CSMD3: variants seen among roughly 807,000 people sequenced by gnomAD.
CSMD3 encodes the protein CUB and Sushi multiple domains 3, also known as CUB and sushi domain-containing protein 3.
Under a neutral mutation model 435.2 loss-of-function variants are expected in CSMD3, and 177 were observed. That is an observed-to-expected ratio of 0.41 (90% CI 0.36 to 0.46). CSMD3 has a LOEUF of 0.46. Among genes scored for constraint, CSMD3 ranks in the 20% least tolerant of loss-of-function variants. The pLI is 0.34. For missense variants in CSMD3, 4,265 were observed against 4,504.6 expected, an observed-to-expected ratio of 0.95 and a Z score of 1.52; for synonymous variants, 1,656 against 1,520.5, an observed-to-expected ratio of 1.09 and a Z score of -2.07.
intron 1 of CSMD3, among the ~76,000 whole-genome samples, chr8:113,335,881 A>T (rs971452911): frequency 6.6e-6 from 1 of 151,640 alleles, no homozygotes; most frequent in Admixed American, 6.6e-5. Context: ...TTAGTTTTCT[A>T]TTTAAGATGT....
intron 59 of CSMD3, among the ~76,000 whole-genome samples, chr8:112,277,413 A>G (rs969306334): frequency 6.6e-6 from 1 of 152,086 alleles, no homozygotes; most frequent in Non-Finnish European, 1.5e-5. Flanking sequence ...TCCATCTGAA[A>G]CTATCTCAGC....
chr8:112,682,308 T>C (rs764505871), intron 16 of CSMD3, 134 bp downstream of exon 16: 3 of 736,662 alleles, frequency 4.1e-6, no homozygotes, highest in Admixed American at 4.4e-5. Flanking sequence ...TAACAAGATA[T>C]GTTTAATATA....
intron 3 of CSMD3, among the ~76,000 whole-genome samples, chr8:113,232,681 T>C (rs1030478890): frequency 1.3e-5 from 2 of 151,804 alleles, no homozygotes; most frequent in Admixed American, 6.6e-5. Flanking sequence ...ATGTCCAGTA[T>C]GTTGTAGAAT....
intron 1 of CSMD3, among the ~76,000 whole-genome samples, chr8:113,410,406 T>C (rs2094552821): frequency 6.6e-6 from 1 of 152,142 alleles, no homozygotes; most frequent in African/African-American, 2.4e-5. Context: ...CAAAATCCAA[T>C]AATCTTTTCT....
intron 3 of CSMD3, 115 bp from the exon 4 acceptor site, chr8:113,174,031 T>A (rs2131893263): frequency 3.8e-6 from 3 of 790,226 alleles, no homozygotes; most frequent in South Asian, 1.5e-5. Context: ...TGGAGAAGAG[T>A]CACTGAAAGG....
chr8:113,023,501 A>G (rs2086761096), intron 5 of CSMD3, among the ~76,000 whole-genome samples: 1 of 152,070 alleles, frequency 6.6e-6, no homozygotes, highest in Non-Finnish European at 1.5e-5. Context: ...GATAAGATGT[A>G]TCCATCATGA....
intron 9 of CSMD3, among the ~76,000 whole-genome samples, chr8:112,930,507 C>T: frequency 6.6e-6 from 1 of 151,880 alleles, no homozygotes; most frequent in East Asian, 1.9e-4. Context: ...AGTAGGGAAA[C>T]ACTATAGAGG....
At chr8:112,955,184 A>T (rs1026078390) in intron 7 of CSMD3, among the ~76,000 whole-genome samples, 1 of 151,712 alleles carries the variant, frequency 6.6e-6, no homozygotes, top group African/African-American at 2.4e-5. Flanking sequence ...TTTCCTAAAA[A>T]TTTAGTCTAT....
intron 1 of CSMD3, among the ~76,000 whole-genome samples, chr8:113,436,283 C>A (rs527299225): frequency 1.3e-5 from 2 of 152,296 alleles, no homozygotes; most frequent in East Asian, 3.9e-4. Flanking sequence ...AGCATTTAGA[C>A]CAGCGTCTTT....
At chr8:113,306,177 C>T (rs925053968) in intron 2 of CSMD3, among the ~76,000 whole-genome samples, 2 of 152,002 alleles carry the variant, frequency 1.3e-5, no homozygotes, top group Admixed American at 6.6e-5. Flanking sequence ...TTGTTAATAT[C>T]ACATATGTCA....
At chr8:113,395,983 T>C (rs920446163) in intron 1 of CSMD3, among the ~76,000 whole-genome samples, 7 of 152,148 alleles carry the variant, frequency 4.6e-5, no homozygotes, top group Non-Finnish European at 7.3e-5. Flanking sequence ...ACAGTAACAA[T>C]TGATTTTCTT....
intron 5 of CSMD3, among the ~76,000 whole-genome samples, chr8:113,035,823 A>G (rs1414020490): frequency 2.6e-5 from 4 of 152,102 alleles, no homozygotes; most frequent in African/African-American, 9.6e-5. Context: ...CCCTATGGTT[A>G]GAGGAAATAA....
At chr8:112,545,846 TA>T (rs1827138881) in intron 27 of CSMD3, among the ~76,000 whole-genome samples, 1 of 152,086 alleles carries the variant, frequency 6.6e-6, no homozygotes, top group South Asian at 2.1e-4. Context: ...GATACTTTGT[TA>T]AAAAGGGAAA....
chr8:113,213,526 C>A (rs1044263825), intron 3 of CSMD3, among the ~76,000 whole-genome samples: 1 of 151,138 alleles, frequency 6.6e-6, no homozygotes, highest in African/African-American at 2.4e-5. Flanking sequence ...TTTTTTAGTC[C>A]AAATTGAAAT....
Position 112,935,903 on chromosome 8 carries a change from CTAAG to C in CSMD3, c.1508+11883_1508+11886del, listed in dbSNP as rs753282429. On this transcript the variant is annotated intron_variant, in intron 9 of 70. Coordinates refer to ENST00000297405, the MANE Select transcript of CSMD3 (RefSeq NM_198123.2). ...AGATGGTTTAGGATGTTTGAATGGTCTAAGTGAGAGATGATAGTGGCTTGCATTA... is the reference window on the plus strand; with the variant it reads ...AGATGGTTTAGGATGTTTGAATGGTCTGAGAGATGATAGTGGCTTGCATTA... Among the ~76,000 whole-genome samples the C allele has an allele frequency of 5.9e-5, 9 of 151,892 alleles. 1 individual carries two copies. The highest frequency in any genetic ancestry group is 1.3e-4 in the Admixed American group (2 of 15,240).
chr8:112,963,911 C>A (rs993023934), intron 7 of CSMD3, among the ~76,000 whole-genome samples: 2 of 151,840 alleles, frequency 1.3e-5, no homozygotes, highest in African/African-American at 2.4e-5. Context: ...CTACCTAAGA[C>A]ATTTAAAACT....
At chr8:112,558,860 A>C (rs1828362845) in intron 24 of CSMD3, among the ~76,000 whole-genome samples, 1 of 151,946 alleles carries the variant, frequency 6.6e-6, no homozygotes, top group African/African-American at 2.4e-5. Flanking sequence ...GGACTGCTTT[A>C]GTTGTATAAC....
intron 4 of CSMD3, among the ~76,000 whole-genome samples, chr8:113,137,739 A>G (rs2091451875): frequency 6.6e-6 from 1 of 151,550 alleles, no homozygotes; most frequent in Admixed American, 6.6e-5. Context: ...ATAGGAGCAG[A>G]ACCATCATGA....
intron 3 of CSMD3, among the ~76,000 whole-genome samples, chr8:113,236,987 A>G (rs568232347): frequency 6.6e-6 from 1 of 152,274 alleles, no homozygotes; most frequent in African/African-American, 2.4e-5. Flanking sequence ...TTTGTTCATC[A>G]GGTTAATAGA....
Sources: gnomAD v4.1 joint callset for allele counts (sites outside exome capture counted in the v4.1 genomes callset) on GRCh38, gnomAD v4.1.1 for gene constraint, MANE v1.5 for transcripts, NCBI Gene and HGNC (gene_info 2026-07-23, HGNC 2026-07-21) for gene names.